KIF26B: variants seen among roughly 807,000 people sequenced by gnomAD.
KIF26B encodes the protein kinesin-like protein KIF26B.
Under a neutral mutation model 151.2 loss-of-function variants are expected in KIF26B, and 63 were observed. The observed-to-expected ratio is 0.42, with a 90% CI of 0.34 to 0.51. The LOEUF (loss-of-function observed/expected upper bound fraction) is 0.51. KIF26B is among the 20% of genes least tolerant of loss of function. The pLI is 0.07. For synonymous variants in KIF26B, 1,357 were observed against 1,262.1 expected, an observed-to-expected ratio of 1.08 and a Z score of -1.59; for missense variants, 2,813 against 2,913.6, an observed-to-expected ratio of 0.97 and a Z score of 0.79.
At chr1:245,502,986 C>T (rs1276650150) in intron 4 of KIF26B, among the ~76,000 whole-genome samples, 7 of 152,018 alleles carry the variant, frequency 4.6e-5, no homozygotes, top group African/African-American at 1.7e-4. Context: ...CTCAGCCTCC[C>T]GAGTAGCTGG....
At chr1:245,620,701 C>CA (rs2043649192) in intron 9 of KIF26B, among the ~76,000 whole-genome samples, 3 of 152,132 alleles carry the variant, frequency 2.0e-5, no homozygotes, top group East Asian at 1.9e-4. Context: ...GGTACCCGTC[C>CA]AAAAAATCCT....
At position 245,602,836 on chromosome 1, in the gene KIF26B, T is replaced by A; in HGVS notation, c.1557+53T>A. ...GGCAACGTTGATGAAAGGGCAACGT[T>A]TACTCATTCACAAGGGCCCTTGAGC... On this transcript the variant is annotated intron_variant, in intron 6 of 14. Coordinates refer to ENST00000407071, the MANE Select transcript of KIF26B (RefSeq NM_018012.4). The surrounding 1 kb of genome is among the most constrained non-coding windows in gnomAD (Gnocchi z 4.5). The A allele has an allele frequency of 6.5e-7, 1 of 1,546,450 alleles. No individual in the cohort carries two copies.
chr1:245,534,975 G>T (rs1017896694), intron 4 of KIF26B, among the ~76,000 whole-genome samples: 1 of 151,960 alleles, frequency 6.6e-6, no homozygotes, highest in Non-Finnish European at 1.5e-5. Flanking sequence ...TGAGATGGGG[G>T]TCTCACCATG....
At chr1:245,250,500 C>T (rs371433586) in intron 2 of KIF26B, among the ~76,000 whole-genome samples, 24 of 152,282 alleles carry the variant, frequency 1.6e-4, no homozygotes, top group Admixed American at 1.1e-3. Context: ...TCATACCTGT[C>T]TTGGTCATGT....
chr1:245,586,711 G>A (rs532714074), intron 5 of KIF26B, among the ~76,000 whole-genome samples: 5 of 151,252 alleles, frequency 3.3e-5, no homozygotes, highest in South Asian at 4.2e-4. Flanking sequence ...GTGAAACCCC[G>A]TCTCTACTAA....
chr1:245,394,003 C>G (rs59100811), intron 3 of KIF26B, among the ~76,000 whole-genome samples: 1 of 152,046 alleles, frequency 6.6e-6, no homozygotes, highest in African/African-American at 2.4e-5. Flanking sequence ...CTTAGCTCCA[C>G]CGTTGTCCTC....
chr1:245,242,996 T>C (rs1449489284), intron 2 of KIF26B, among the ~76,000 whole-genome samples: 1 of 152,200 alleles, frequency 6.6e-6, no homozygotes, highest in East Asian at 1.9e-4. Flanking sequence ...TTCGGATTTT[T>C]CCCTCAGTTA....
chr1:245,340,763 A>C (rs1425402348), intron 2 of KIF26B, among the ~76,000 whole-genome samples: 2 of 152,192 alleles, frequency 1.3e-5, no homozygotes, highest in African/African-American at 4.8e-5. Context: ...TGATATGTGC[A>C]CTTAAAGAAA....
chr1:245,259,428 T>G (rs570280425), intron 2 of KIF26B, among the ~76,000 whole-genome samples: 1 of 152,212 alleles, frequency 6.6e-6, no homozygotes, highest in South Asian at 2.1e-4. Flanking sequence ...TGAGGGCCAG[T>G]TCAATGAACA....
At chr1:245,355,644 A>AC (rs1558400639) in intron 2 of KIF26B, among the ~76,000 whole-genome samples, 1 of 150,810 alleles carries the variant, frequency 6.6e-6, no homozygotes. Flanking sequence ...TAAAAAACTT[A>AC]CCAGCGGTCA....
rs532260825 is a variant in KIF26B, at chr1:245,673,438, G to A, written c.2259-10795G>A. Among the ~76,000 whole-genome samples the A allele has an allele frequency of 9.3e-4, 140 of 151,294 alleles. 1 individual carries two copies. Among genetic ancestry groups the A allele is most frequent in the African/African-American group, 3.1e-3 (128 of 41,130 alleles). Reference sequence around the variant, plus strand: ...CGCTGCCATCTTAGGCCCAGTCCCCGCTGCGCGCTGCCATCTTAGGGTTTT... The same window carrying A: ...CGCTGCCATCTTAGGCCCAGTCCCCACTGCGCGCTGCCATCTTAGGGTTTT... On this transcript the variant is annotated intron_variant, in intron 10 of 14. Coordinates refer to ENST00000407071, the MANE Select transcript of KIF26B (RefSeq NM_018012.4).
intron 5 of KIF26B, among the ~76,000 whole-genome samples, chr1:245,577,780 A>G (rs1387915970): frequency 7.1e-6 from 1 of 141,350 alleles, no homozygotes; most frequent in African/African-American, 2.7e-5. Context: ...GCTCCGGGCG[A>G]TGCATCCCCT....
In KIF26B at chr1:245,212,809, C is replaced by T. The variant is rs572046538; in HGVS notation, c.465+56126C>T. Among the ~76,000 whole-genome samples, 5 of 152,348 alleles carry T rather than the reference C, an allele frequency of 3.3e-5. No individual in the cohort carries two copies. The South Asian group carries it at 6.2e-4, about 19-fold the overall frequency. On this transcript the variant is annotated intron_variant, in intron 2 of 14. Coordinates refer to ENST00000407071, the MANE Select transcript of KIF26B (RefSeq NM_018012.4). ...CACCGGTCACTCTTTAGTAGAGTCC[C>T]GTCCACTTAAGGAGCACTTCATACC...
intron 10 of KIF26B, among the ~76,000 whole-genome samples, chr1:245,674,083 A>G (rs932058065): frequency 1.3e-5 from 2 of 152,200 alleles, no homozygotes; most frequent in Non-Finnish European, 2.9e-5. Context: ...TTTAAAGTGG[A>G]AGGAGATCAA....
At chr1:245,310,928 C>T (rs571479235) in intron 2 of KIF26B, among the ~76,000 whole-genome samples, 1 of 152,198 alleles carries the variant, frequency 6.6e-6, no homozygotes, top group Admixed American at 6.5e-5. Context: ...GAGTAGCTCC[C>T]AAGTATCAGA....
intron 3 of KIF26B, among the ~76,000 whole-genome samples, chr1:245,385,098 G>A (rs891970056): frequency 6.6e-6 from 1 of 152,052 alleles, no homozygotes; most frequent in Non-Finnish European, 1.5e-5. Flanking sequence ...CTGAGAATAG[G>A]TGGGCAACAG....
intron 9 of KIF26B, among the ~76,000 whole-genome samples, chr1:245,640,059 GTTGAAGTCCCTTACTGTTA>G (rs1169727303): frequency 6.7e-6 from 1 of 149,046 alleles, no homozygotes; most frequent in Non-Finnish European, 1.5e-5. Flanking sequence ...AAAGTGAGGT[GTTGAAGTCCCTTACTGTTA>G]TTGTATTGTA....
intron 5 of KIF26B, among the ~76,000 whole-genome samples, chr1:245,598,576 G>A (rs948752550): frequency 1.3e-5 from 2 of 152,142 alleles, no homozygotes; most frequent in African/African-American, 2.4e-5. Flanking sequence ...TGACGGGGCT[G>A]CTCCTCCTCA....
At position 245,458,782 on chromosome 1, in the gene KIF26B, C is replaced by G. The variant is rs184565726; in HGVS notation, c.1166+39037C>G. 2.2e-4 allele frequency among the ~76,000 whole-genome samples: 34 copies of G among 152,306 alleles called. No homozygotes were observed. In the East Asian group the frequency reaches 6.6e-3, roughly 29 times the overall value. On this transcript the variant is annotated intron_variant, in intron 4 of 14. Transcript: ENST00000407071. ...TGACCAGATTCTTTGCCCAAGGGCC[C>G]TCATTTACTAATGAGTAATCACTGC...
Sources: gnomAD v4.1 joint callset for allele counts (sites outside exome capture counted in the v4.1 genomes callset) on GRCh38, gnomAD v4.1.1 for gene constraint, Gnocchi (gnomAD v3.1) non-coding constraint, MANE v1.5 for transcripts, NCBI Gene and HGNC (gene_info 2026-07-23, HGNC 2026-07-21) for gene names.